The following KCNMB4 variants were observed in gnomAD, a reference collection of about 807,000 sequenced individuals.
KCNMB4 encodes the protein potassium calcium-activated channel subfamily M regulatory beta subunit 4.
A neutral mutation model predicts 20.7 loss-of-function variants in KCNMB4; 3 were observed. The ratio of observed to expected loss-of-function variants is 0.14; its 90% CI spans 0.07 to 0.37. The LOEUF is 0.37. Among genes scored for constraint, KCNMB4 ranks in the 10% least tolerant of loss-of-function variants. The pLI is 1.00. For missense variants in KCNMB4, 168 were observed against 265.9 expected (o/e 0.63, Z 2.56); for synonymous variants, 110 against 113.4 (o/e 0.97, Z 0.19).
At chr12:70,401,778 A>C (rs1357901479) in intron 2 of KCNMB4, among the ~76,000 whole-genome samples, 2 of 152,062 alleles carry the variant, frequency 1.3e-5, no homozygotes, top group Non-Finnish European at 2.9e-5. Context: ...GGGGCGCCTC[A>C]GTATCCCCAC....
chr12:70,404,634 A>T (rs1267433138), intron 2 of KCNMB4, among the ~76,000 whole-genome samples: 1 of 152,224 alleles, frequency 6.6e-6, no homozygotes, highest in Non-Finnish European at 1.5e-5. Flanking sequence ...TGGTGAAAGT[A>T]GCAACAAGGA....
intron 1 of KCNMB4, among the ~76,000 whole-genome samples, chr12:70,393,530 A>G (rs990765917): frequency 6.6e-6 from 1 of 152,206 alleles, no homozygotes; most frequent in Non-Finnish European, 1.5e-5. Flanking sequence ...CTAAAACTAA[A>G]TGAACTATTT....
chr12:70,428,240 C>T (rs572833323), intron 2 of KCNMB4, among the ~76,000 whole-genome samples: 4 of 152,270 alleles, frequency 2.6e-5, no homozygotes, highest in South Asian at 2.1e-4. Context: ...GCATCCTGCC[C>T]GCCTCTGTCT....
At chr12:70,401,306 G>A (rs566824959) in intron 2 of KCNMB4, among the ~76,000 whole-genome samples, 12 of 152,316 alleles carry the variant, frequency 7.9e-5, no homozygotes, top group African/African-American at 2.6e-4. Flanking sequence ...AATTACAGGC[G>A]TGAGCCACTG....
chr12:70,412,402 G>A (rs1201709030), intron 2 of KCNMB4, among the ~76,000 whole-genome samples: 1 of 152,174 alleles, frequency 6.6e-6, no homozygotes, highest in Non-Finnish European at 1.5e-5. Flanking sequence ...CCCTGGCCAT[G>A]CTACCTCTGG....
Position 70,430,467 on chromosome 12 carries a change from T to C in KCNMB4, c.465-18T>C. 3 of 1,612,156 alleles carry C rather than the reference T, an allele frequency of 1.9e-6. No homozygotes were observed. The highest frequency in any genetic ancestry group is 2.5e-6 in the Non-Finnish European group (3 of 1,179,444). On this transcript the variant is annotated intron_variant, in intron 2 of 2. Transcript: ENST00000258111. ...GCATTTGACTGCCCTTTCTTTCTTA[T>C]TCTCCATTGTCTTGCAGACCAGATG...
At chr12:70,403,696 A>G (rs1868520463) in intron 2 of KCNMB4, among the ~76,000 whole-genome samples, 1 of 152,222 alleles carries the variant, frequency 6.6e-6, no homozygotes, top group South Asian at 2.1e-4. Context: ...GAAACCGGGC[A>G]TTAGCATTTT....
At chr12:70,381,004 A>T (rs1335563926) in intron 1 of KCNMB4, among the ~76,000 whole-genome samples, 2 of 152,234 alleles carry the variant, frequency 1.3e-5, no homozygotes, top group Admixed American at 6.5e-5. Flanking sequence ...AATGTATCTG[A>T]TAAGTGTCTA....
Position 70,366,719 on chromosome 12 carries a change from C to A in KCNMB4, c.-16C>A. 1 of 1,546,398 alleles carries A rather than the reference C, an allele frequency of 6.5e-7. No homozygotes were observed. Among genetic ancestry groups the A allele is most frequent in the Non-Finnish European group, 8.7e-7 (1 of 1,147,684 alleles). ...GGGGGCGGGGGGAGCACGCCAGCCG[C>A]CGAGAGTGGGGGGCGATGGCGAAGC... On this transcript the variant is annotated 5_prime_UTR_variant, in exon 1 of 3. Transcript: ENST00000258111.
chr12:70,401,617 G>A (rs1593336661), intron 2 of KCNMB4, among the ~76,000 whole-genome samples: 1 of 150,546 alleles, frequency 6.6e-6, no homozygotes, highest in South Asian at 2.1e-4. Flanking sequence ...AAACGTAGTG[G>A]CTTACTACAG....
intron 1 of KCNMB4, among the ~76,000 whole-genome samples, chr12:70,382,990 A>G (rs570887433): frequency 6.6e-6 from 1 of 152,340 alleles, no homozygotes; most frequent in East Asian, 1.9e-4. Context: ...CTGTACTATG[A>G]GTGTACTGAA....
chr12:70,369,743 A>G (rs1883557778), intron 1 of KCNMB4, among the ~76,000 whole-genome samples: 1 of 152,226 alleles, frequency 6.6e-6, no homozygotes, highest in South Asian at 2.1e-4. Flanking sequence ...AGTAAATTTG[A>G]TCTTTGACTA....
At chr12:70,368,365 G>C (rs1883531763) in intron 1 of KCNMB4, among the ~76,000 whole-genome samples, 1 of 151,466 alleles carries the variant, frequency 6.6e-6, no homozygotes, top group East Asian at 1.9e-4. Context: ...TTAAAAATAT[G>C]AATGACTCCT....
chr12:70,368,131 G>T (rs1404904315), intron 1 of KCNMB4, among the ~76,000 whole-genome samples: 1 of 151,810 alleles, frequency 6.6e-6, no homozygotes, highest in African/African-American at 2.4e-5. Context: ...TTTTTTGAGG[G>T]ATCAAGCAGA....
At chr12:70,380,092 G>A (rs1018210197) in intron 1 of KCNMB4, among the ~76,000 whole-genome samples, 1 of 152,174 alleles carries the variant, frequency 6.6e-6, no homozygotes, top group African/African-American at 2.4e-5. Flanking sequence ...GTCATTTCTA[G>A]TTTTTAATTT....
At chr12:70,371,862 A>G (rs1322266685) in intron 1 of KCNMB4, among the ~76,000 whole-genome samples, 2 of 152,230 alleles carry the variant, frequency 1.3e-5, no homozygotes, top group Non-Finnish European at 2.9e-5. Flanking sequence ...CTGGGAAGTA[A>G]CAGACAAGAA....
chr12:70,380,228 CAG>C (rs1412603933), intron 1 of KCNMB4, among the ~76,000 whole-genome samples: 2 of 152,088 alleles, frequency 1.3e-5, no homozygotes, highest in South Asian at 2.1e-4. Flanking sequence ...GGTAGAGAGA[CAG>C]GGGAACAGGT....
intron 1 of KCNMB4, among the ~76,000 whole-genome samples, chr12:70,373,649 GAAGTCAAGGACGGTTTTT>G (rs1415404020): frequency 6.6e-6 from 1 of 152,192 alleles, no homozygotes; most frequent in Non-Finnish European, 1.5e-5. Context: ...AACTAATACA[GAAGTCAAGGACGGTTTTT>G]GAGTAGGTGA....
chr12:70,432,249 C>T lies in KCNMB4; in HGVS notation c.*1596C>T, dbSNP rs1869388628. The T allele has an allele frequency of 6.6e-6, 1 of 152,190 alleles. No individual in the cohort carries two copies. The highest frequency in any genetic ancestry group is 6.6e-5 in the Admixed American group (1 of 15,260). The allele number at this position is 152,190 out of a possible 1,614,324, so 9.4% of individuals were successfully genotyped here. A position where few individuals can be genotyped will look rare whatever the true frequency, so the allele number is the denominator to read the frequency against. ...GTTTCACCGTGTTAGCCAGGATGGT[C>T]TCAATCTCCTGACCTTGTGATCTGC... On this transcript the variant is annotated 3_prime_UTR_variant, in exon 3 of 3. Transcript: ENST00000258111.
Sources: gnomAD v4.1 joint callset for allele counts (sites outside exome capture counted in the v4.1 genomes callset) on GRCh38, gnomAD v4.1.1 for gene constraint, MANE v1.5 for transcripts, NCBI Gene and HGNC (gene_info 2026-07-23, HGNC 2026-07-21) for gene names.